SGCZ: variants seen among roughly 807,000 people sequenced by gnomAD.
SGCZ encodes sarcoglycan zeta, also known as zeta-sarcoglycan.
SGCZ carries 40 observed loss-of-function variants against 41.3 expected under a neutral mutation model. The observed-to-expected ratio is 0.97, with a 90% CI of 0.75 to 1.26. The LOEUF (loss-of-function observed/expected upper bound fraction) is 1.26. Among genes scored for constraint, SGCZ ranks in the 50% most tolerant of loss-of-function variants. The pLI is 0.00. For missense variants in SGCZ, 552 were observed against 369.8 expected (o/e 1.49, Z -4.04); for synonymous variants, 206 against 137.5 (o/e 1.50, Z -3.49).
intron 1 of SGCZ, among the ~76,000 whole-genome samples, chr8:15,207,757 C>T (rs954448723): frequency 1.5e-4 from 23 of 151,898 alleles, no homozygotes; most frequent in Non-Finnish European, 4.4e-5. Context: ...TTTAAATGAG[C>T]TTAAGAAACC....
chr8:14,353,104 C>T (rs1438526906), intron 2 of SGCZ, among the ~76,000 whole-genome samples: 1 of 151,978 alleles, frequency 6.6e-6, no homozygotes, highest in Non-Finnish European at 1.5e-5. Context: ...CTTACACATA[C>T]GATTTCTATG....
chr8:14,875,330 T>C (rs975797024), intron 1 of SGCZ, among the ~76,000 whole-genome samples: 5 of 152,188 alleles, frequency 3.3e-5, no homozygotes, highest in Non-Finnish European at 7.4e-5. Flanking sequence ...AGTCCATGAC[T>C]TAATCACCTT....
At chr8:14,716,991 A>G (rs1809710792) in intron 1 of SGCZ, among the ~76,000 whole-genome samples, 1 of 152,110 alleles carries the variant, frequency 6.6e-6, no homozygotes, top group Non-Finnish European at 1.5e-5. Flanking sequence ...ATGATAAGGG[A>G]CAAAAAAGCA....
intron 7 of SGCZ, 46 bp downstream of exon 7, chr8:14,102,330 T>A: frequency 7.4e-7 from 1 of 1,359,402 alleles, no homozygotes; most frequent in Non-Finnish European, 9.6e-7. Context: ...ACTTGTGTTT[T>A]CAAAGTGGGC....
At chr8:14,737,787 C>T (rs541972447) in intron 1 of SGCZ, among the ~76,000 whole-genome samples, 2 of 152,130 alleles carry the variant, frequency 1.3e-5, no homozygotes, top group East Asian at 1.9e-4. Flanking sequence ...TTAATCATCT[C>T]TTTATAGAAA....
At chr8:14,741,958 T>C (rs1417044393) in intron 1 of SGCZ, among the ~76,000 whole-genome samples, 2 of 152,100 alleles carry the variant, frequency 1.3e-5, no homozygotes, top group African/African-American at 4.8e-5. Flanking sequence ...ACTATTTTAA[T>C]ATTCCCGTCT....
intron 1 of SGCZ, among the ~76,000 whole-genome samples, chr8:15,051,554 G>A (rs887717989): frequency 1.3e-5 from 2 of 152,048 alleles, no homozygotes; most frequent in Non-Finnish European, 2.9e-5. Context: ...GAGTGCTAGG[G>A]TAGGTGTATG....
chr8:14,698,723 G>C (rs939632502), intron 1 of SGCZ, among the ~76,000 whole-genome samples: 2 of 151,856 alleles, frequency 1.3e-5, no homozygotes, highest in African/African-American at 2.4e-5. Flanking sequence ...ATCAGCACAA[G>C]TATGTTGTGC....
At chr8:15,111,780 A>G (rs34243367) in intron 1 of SGCZ, among the ~76,000 whole-genome samples, 1,861 of 152,006 alleles carry the variant, frequency 0.012, 19 homozygotes, top group Non-Finnish European at 0.019. Context: ...CGTGTCTGTA[A>G]TCCCAGCTAC....
chr8:14,459,253 A>G (rs923757010), intron 2 of SGCZ, among the ~76,000 whole-genome samples: 1 of 151,088 alleles, frequency 6.6e-6, no homozygotes, highest in African/African-American at 2.4e-5. Flanking sequence ...AACACCACAC[A>G]CCGGGGCCTG....
chr8:15,211,021 A>T (rs1801217810), intron 1 of SGCZ, among the ~76,000 whole-genome samples: 1 of 114,950 alleles, frequency 8.7e-6, no homozygotes, highest in Non-Finnish European at 1.9e-5. Context: ...CTATATATAG[A>T]TATATACATA....
At chr8:14,122,759 C>A (rs1188093996) in intron 5 of SGCZ, among the ~76,000 whole-genome samples, 1 of 152,084 alleles carries the variant, frequency 6.6e-6, no homozygotes, top group Non-Finnish European at 1.5e-5. Context: ...TTTAGGAATT[C>A]TTCTTTCTCC....
intron 1 of SGCZ, among the ~76,000 whole-genome samples, chr8:15,006,001 G>A (rs1474636456): frequency 6.6e-6 from 1 of 152,098 alleles, no homozygotes; most frequent in Non-Finnish European, 1.5e-5. Flanking sequence ...AATTTTAAGT[G>A]TTTGGTTCTG....
intron 3 of SGCZ, among the ~76,000 whole-genome samples, chr8:14,291,746 T>G (rs937729956): frequency 3.9e-5 from 6 of 152,058 alleles, no homozygotes; most frequent in African/African-American, 1.4e-4. Flanking sequence ...GGACTATTTG[T>G]GTGCACACTT....
chr8:14,157,878 G>C (rs1482432241), intron 5 of SGCZ, among the ~76,000 whole-genome samples: 1 of 152,114 alleles, frequency 6.6e-6, no homozygotes, highest in African/African-American at 2.4e-5. Context: ...TATAGATCAT[G>C]ATGTTAAAAA....
chr8:14,149,523 C>A (rs184025934), intron 5 of SGCZ, among the ~76,000 whole-genome samples: 1 of 151,606 alleles, frequency 6.6e-6, no homozygotes, highest in Admixed American at 6.6e-5. Context: ...TTGAAAGGAA[C>A]GCCAAAAAAT....
intron 1 of SGCZ, among the ~76,000 whole-genome samples, chr8:14,819,335 C>T (rs185880097): frequency 8.2e-4 from 124 of 152,104 alleles, no homozygotes; most frequent in African/African-American, 2.8e-3. Flanking sequence ...TCATTTACGA[C>T]GGACAGTTTT....
At chr8:14,747,119 G>A (rs192256838) in intron 1 of SGCZ, among the ~76,000 whole-genome samples, 1 of 152,084 alleles carries the variant, frequency 6.6e-6, no homozygotes, top group African/African-American at 2.4e-5. Flanking sequence ...TCACTCTTAC[G>A]GTTAGGATTA....
At chr8:14,924,603 A>T (rs1415431346) in intron 1 of SGCZ, among the ~76,000 whole-genome samples, 2 of 152,098 alleles carry the variant, frequency 1.3e-5, no homozygotes, top group African/African-American at 2.4e-5. Context: ...ATTTTTTAAC[A>T]TGGAAAAACT....
Sources: gnomAD v4.1 joint callset for allele counts (sites outside exome capture counted in the v4.1 genomes callset) on GRCh38, gnomAD v4.1.1 for gene constraint, MANE v1.5 for transcripts, NCBI Gene and HGNC (gene_info 2026-07-23, HGNC 2026-07-21) for gene names.